Variants in XYLB observed in about 807,000 individuals in gnomAD.
XYLB encodes xylulose kinase.
Under a neutral mutation model 78.7 loss-of-function variants are expected in XYLB, and 62 were observed. The ratio of observed to expected loss-of-function variants is 0.79; its 90% CI spans 0.64 to 0.97. XYLB has a LOEUF of 0.97. Ranked by LOEUF, XYLB falls within the 50% of genes least tolerant of loss-of-function variation. XYLB has a pLI of 0.00. For missense variants in XYLB, 687 were observed against 676.8 expected (o/e 1.02, Z -0.17); for synonymous variants, 245 against 247.4 (o/e 0.99, Z 0.09).
At chr3:38,400,307 A>T (rs1708069478) in intron 17 of XYLB, among the ~76,000 whole-genome samples, 1 of 152,150 alleles carries the variant, frequency 6.6e-6, no homozygotes, top group Admixed American at 6.5e-5. Flanking sequence ...TTAAACCAAT[A>T]ATCACTGAAA....
downstream of XYLB, among the ~76,000 whole-genome samples, chr3:38,418,332 A>G (rs376814576): frequency 2.2e-4 from 33 of 152,288 alleles, no homozygotes; most frequent in African/African-American, 7.9e-4. Flanking sequence ...CTGTGTTACC[A>G]TGGCTGTGGA....
the XYLB span, among the ~76,000 whole-genome samples, chr3:38,437,937 G>T: frequency 6.6e-6 from 1 of 152,214 alleles, no homozygotes; most frequent in Non-Finnish European, 1.5e-5. Flanking sequence ...GGGTGTGGTG[G>T]TGTGCACCTG....
intron 18 of XYLB, among the ~76,000 whole-genome samples, chr3:38,408,072 A>G (rs1188400478): frequency 6.6e-6 from 1 of 151,484 alleles, no homozygotes; most frequent in Admixed American, 6.6e-5. Flanking sequence ...CCAAATCAAC[A>G]GAATATACAT....
At chr3:38,376,364 C>G in intron 13 of XYLB, 132 bp downstream of exon 13, 1 of 672,016 alleles carries the variant, frequency 1.5e-6, no homozygotes, top group Admixed American at 2.4e-5. Flanking sequence ...TCTGTCTGCA[C>G]TTATATTCCA....
intron 17 of XYLB, among the ~76,000 whole-genome samples, chr3:38,399,604 G>A (rs957813571): frequency 6.6e-6 from 1 of 152,142 alleles, no homozygotes; most frequent in Admixed American, 6.5e-5. Flanking sequence ...TAATCTTCTG[G>A]CCTTCAGGGT....
downstream of XYLB, among the ~76,000 whole-genome samples, chr3:38,419,204 A>T (rs1186403851): frequency 6.6e-6 from 1 of 152,126 alleles, no homozygotes; most frequent in Non-Finnish European, 1.5e-5. Context: ...TGCATGTGTA[A>T]AATAGTTAAT....
At chr3:38,357,621 T>C (rs1008058165) in intron 2 of XYLB, among the ~76,000 whole-genome samples, 1 of 152,104 alleles carries the variant, frequency 6.6e-6, no homozygotes, top group Non-Finnish European at 1.5e-5. Flanking sequence ...CTCCTGACCT[T>C]GTGATCCGCC....
At chr3:38,449,445 C>T in the XYLB span, among the ~76,000 whole-genome samples, 13 of 152,046 alleles carry the variant, frequency 8.6e-5, no homozygotes, top group Admixed American at 7.2e-4. Context: ...TTTTAACAAA[C>T]GGGGGTCTCA....
chr3:38,397,828 T>C (rs577756730), intron 17 of XYLB, among the ~76,000 whole-genome samples: 1 of 151,142 alleles, frequency 6.6e-6, no homozygotes, highest in African/African-American at 2.4e-5. Flanking sequence ...CTTTTCTTTT[T>C]TTTTTTTTTG....
At position 38,375,455 on chromosome 3, in the gene XYLB, A is replaced by G. The variant is rs547750771; in HGVS notation, c.1004+196A>G. On this transcript the variant is annotated intron_variant, in intron 12 of 18. Transcript: ENST00000207870. The stretch of plus-strand genomic sequence containing the variant: ...AGCAGAGCTGGGTGGGGAATAACCC[A>G]AGACCCTGTGTCCTTCAAGCCCAGG... 2.0e-5 allele frequency among the ~76,000 whole-genome samples: 3 copies of G among 152,294 alleles called. No individual in the cohort carries two copies. The East Asian group carries it at 5.8e-4, about 29-fold the overall frequency.
intron 17 of XYLB, 126 bp from the exon 18 acceptor site, chr3:38,400,765 T>C (rs1320782369): frequency 1.5e-6 from 1 of 678,628 alleles, no homozygotes; most frequent in Admixed American, 2.7e-5. Context: ...ATGTACTGAA[T>C]TGTGCAACCA....
chr3:38,419,502 A>T (rs1436720091), downstream of XYLB, among the ~76,000 whole-genome samples: 1 of 148,130 alleles, frequency 6.8e-6, no homozygotes, highest in Non-Finnish European at 1.5e-5. Context: ...CAGTAGCTGC[A>T]CCATTTTACA....
intron 17 of XYLB, among the ~76,000 whole-genome samples, chr3:38,400,122 C>T (rs1240945619): frequency 6.6e-6 from 1 of 152,162 alleles, no homozygotes; most frequent in Non-Finnish European, 1.5e-5. Context: ...AGAAATTGCT[C>T]ATTGTTTCTT....
intron 18 of XYLB, among the ~76,000 whole-genome samples, chr3:38,406,651 T>A (rs892182492): frequency 6.6e-6 from 1 of 152,102 alleles, no homozygotes; most frequent in Non-Finnish European, 1.5e-5. Flanking sequence ...TTTAGATGAA[T>A]GTATAACTAG....
At chr3:38,449,872 TGA>T in the XYLB span, among the ~76,000 whole-genome samples, 1 of 152,238 alleles carries the variant, frequency 6.6e-6, no homozygotes, top group Non-Finnish European at 1.5e-5. Context: ...TAATCTCTCT[TGA>T]GAGATAGTGT....
chr3:38,385,649 A>G (rs1465924509), intron 15 of XYLB, among the ~76,000 whole-genome samples: 1 of 152,220 alleles, frequency 6.6e-6, no homozygotes, highest in African/African-American at 2.4e-5. Flanking sequence ...TGGTCCTTCA[A>G]ACTGGCCCCT....
intron 2 of XYLB, among the ~76,000 whole-genome samples, chr3:38,350,419 G>T (rs1705298293): frequency 6.6e-6 from 1 of 152,162 alleles, no homozygotes; most frequent in African/African-American, 2.4e-5. Flanking sequence ...CAGTAATGAT[G>T]ATCTCTTGCT....
intron 18 of XYLB, among the ~76,000 whole-genome samples, chr3:38,407,944 A>T (rs1366542827): frequency 6.6e-6 from 1 of 152,112 alleles, no homozygotes; most frequent in East Asian, 1.9e-4. Context: ...GGGAGACTTT[A>T]ACACCCCACT....
At chr3:38,423,604 C>T (rs1387341874), downstream of XYLB, among the ~76,000 whole-genome samples, 2 of 152,232 alleles carry the variant, frequency 1.3e-5, no homozygotes, top group Admixed American at 6.5e-5. Flanking sequence ...TGGTAAACAA[C>T]CTGCAGCCTG....
Sources: gnomAD v4.1 joint callset for allele counts (sites outside exome capture counted in the v4.1 genomes callset) on GRCh38, gnomAD v4.1.1 for gene constraint, MANE v1.5 for transcripts, NCBI Gene and HGNC (gene_info 2026-07-23, HGNC 2026-07-21) for gene names.